Variants in RASSF8 observed in about 807,000 individuals in gnomAD.
The protein encoded by RASSF8 is ras association domain-containing protein 8.
RASSF8 carries 22 observed loss-of-function variants against 48.5 expected under a neutral mutation model. The ratio of observed to expected loss-of-function variants is 0.45; its 90% confidence interval spans 0.32 to 0.65. The LOEUF (loss-of-function observed/expected upper bound fraction) is 0.65, where lower values mean the gene tolerates loss of function less well. Ranked by LOEUF, RASSF8 falls within the 30% of genes least tolerant of loss-of-function variation. RASSF8 has a pLI of 0.03. For synonymous variants in RASSF8, 127 were observed against 171.5 expected (o/e 0.74, Z 2.03); for missense variants, 418 against 489.2 (o/e 0.85, Z 1.37).
In RASSF8 at chr12:25,958,790, C is replaced by T. The variant is rs1257872721; in HGVS notation, c.-561C>T. 1 of 147,456 alleles carries T rather than the reference C, an allele frequency of 6.8e-6. No individual in the cohort carries two copies. Among genetic ancestry groups the T allele is most frequent in the African/African-American group, 2.4e-5 (1 of 40,960 alleles). The allele number at this position is 147,456 out of a possible 1,614,324, so 9.1% of individuals were successfully genotyped here. On this transcript the variant is annotated 5_prime_UTR_variant, in exon 1 of 6. Transcript: ENST00000689635. ...GCCGCGCCCCGCTCAGCGTCTGCCGCCCAGCTCCTCGCCCAGCCTCGCCGA... is the reference window on the plus strand; with the variant it reads ...GCCGCGCCCCGCTCAGCGTCTGCCGTCCAGCTCCTCGCCCAGCCTCGCCGA...
chr12:26,073,827 C>G (rs991957878), downstream of RASSF8, among the ~76,000 whole-genome samples: 1 of 111,214 alleles, frequency 9.0e-6, no homozygotes, highest in East Asian at 4.6e-4. Context: ...CACATACACA[C>G]ACACACACAC....
At chr12:26,078,587 T>C (rs561255902) in intron 5 of RASSF8, among the ~76,000 whole-genome samples, 121 of 152,362 alleles carry the variant, frequency 7.9e-4, no homozygotes, top group South Asian at 2.7e-3. Flanking sequence ...AGGAAGAAGA[T>C]ATTTTAAATA....
rs145226643 is a variant in RASSF8, at chr12:26,006,912, G to C, written c.-109+11782G>C. Among the ~76,000 whole-genome samples, 40 of 152,250 alleles carry C rather than the reference G, an allele frequency of 2.6e-4. No individual in the cohort carries two copies. In the East Asian group the frequency reaches 7.3e-3, roughly 28 times the overall value. On this transcript the variant is annotated intron_variant, in intron 2 of 5. Transcript: ENST00000689635. Reference sequence around the variant, plus strand: ...TGCTATAGAGGAATACCTGAGACTAGGTAATTTGTAAAGAAAAAAGGTTTA... The same window carrying C: ...TGCTATAGAGGAATACCTGAGACTACGTAATTTGTAAAGAAAAAAGGTTTA...
intron 2 of RASSF8, among the ~76,000 whole-genome samples, chr12:26,046,013 G>C (rs1943365363): frequency 6.6e-6 from 1 of 152,120 alleles, no homozygotes; most frequent in South Asian, 2.1e-4. Context: ...AAAGGACATA[G>C]ATTTGGGCGA....
chr12:26,068,096 T>C (rs540575784), intron 5 of RASSF8, among the ~76,000 whole-genome samples: 66 of 152,222 alleles, frequency 4.3e-4, no homozygotes, highest in Non-Finnish European at 6.9e-4. Flanking sequence ...AATAAACTAC[T>C]TGTATTCAGT....
chr12:25,988,594 C>T (rs992939710), intron 1 of RASSF8, among the ~76,000 whole-genome samples: 6 of 152,328 alleles, frequency 3.9e-5, no homozygotes, highest in Non-Finnish European at 8.8e-5. Flanking sequence ...AAATAGCCCT[C>T]TCCCTCATGA....
chr12:25,962,985 T>A (rs190012073), intron 1 of RASSF8, among the ~76,000 whole-genome samples: 11 of 150,866 alleles, frequency 7.3e-5, no homozygotes, highest in African/African-American at 2.7e-4. Context: ...TTAAAATAAT[T>A]ATTTTTTTAT....
intron 2 of RASSF8, among the ~76,000 whole-genome samples, chr12:26,035,965 T>A (rs1398899418): frequency 6.8e-6 from 1 of 147,232 alleles, no homozygotes; most frequent in East Asian, 1.9e-4. Flanking sequence ...TATATATTTA[T>A]AATTTATATA....
At chr12:25,965,363 C>CTTTTTTTT (rs11420016) in intron 1 of RASSF8, among the ~76,000 whole-genome samples, 4 of 116,890 alleles carry the variant, frequency 3.4e-5, no homozygotes, top group African/African-American at 6.4e-5. Context: ...TCCCAAATTT[C>CTTTTTTTT]TTTTTTTTTT....
At chr12:26,022,611 T>A (rs1472968624) in intron 2 of RASSF8, among the ~76,000 whole-genome samples, 1 of 152,014 alleles carries the variant, frequency 6.6e-6, no homozygotes, top group Admixed American at 6.5e-5. Flanking sequence ...CACTGCCTCA[T>A]CAAATTGAGA....
chr12:26,043,460 G>A (rs1456568578), intron 2 of RASSF8, among the ~76,000 whole-genome samples: 4 of 152,196 alleles, frequency 2.6e-5, no homozygotes, highest in Non-Finnish European at 5.9e-5. Flanking sequence ...GTGGAGAGCC[G>A]TTGGAGGATT....
At chr12:26,027,816 A>G (rs1398672076) in intron 2 of RASSF8, among the ~76,000 whole-genome samples, 1 of 152,238 alleles carries the variant, frequency 6.6e-6, no homozygotes, top group African/African-American at 2.4e-5. Flanking sequence ...AATGAGAAGC[A>G]TAGAGGACTG....
chr12:26,073,849 C>CACAT (rs35014279), downstream of RASSF8, among the ~76,000 whole-genome samples: 1,534 of 144,156 alleles, frequency 0.011, 39 homozygotes, highest in African/African-American at 0.032. Flanking sequence ...CACACACACA[C>CACAT]ATATATATAT....
intron 2 of RASSF8, among the ~76,000 whole-genome samples, chr12:26,012,771 C>T (rs1179400348): frequency 1.3e-5 from 2 of 150,654 alleles, no homozygotes; most frequent in Non-Finnish European, 2.9e-5. Flanking sequence ...GCCTTGAACT[C>T]CTGGGCTCCA....
chr12:26,018,377 A>T (rs1440112717), intron 2 of RASSF8, among the ~76,000 whole-genome samples: 1 of 152,082 alleles, frequency 6.6e-6, no homozygotes, highest in Non-Finnish European at 1.5e-5. Flanking sequence ...AAAATTCTTT[A>T]CATTATATAA....
At chr12:25,995,656 AG>A (rs148535554) in intron 2 of RASSF8, among the ~76,000 whole-genome samples, 1 of 151,962 alleles carries the variant, frequency 6.6e-6, no homozygotes, top group Non-Finnish European at 1.5e-5. Context: ...CATTAAGTCA[AG>A]GGGGGGCATA....
intron 1 of RASSF8, among the ~76,000 whole-genome samples, chr12:25,961,403 T>C (rs1320238067): frequency 6.6e-6 from 1 of 152,148 alleles, no homozygotes; most frequent in Non-Finnish European, 1.5e-5. Context: ...AAATTAAAGA[T>C]TTGGATTACA....
In RASSF8 at chr12:26,072,530, A is replaced by G. The variant is rs988271063; in HGVS notation, c.*3712A>G. ...AAGGCAATAAAGTATATACATATATATGGGGGGAGGGGAAAGATTAAAAAA... is the reference window on the plus strand; with the variant it reads ...AAGGCAATAAAGTATATACATATATGTGGGGGGAGGGGAAAGATTAAAAAA... On this transcript the variant is annotated 3_prime_UTR_variant, in exon 6 of 6. Transcript: ENST00000689635. 5.5e-5 allele frequency: 54 copies of G among 980,242 alleles called. No homozygotes were observed. Among genetic ancestry groups the G allele is most frequent in the Middle Eastern group, 5.2e-4 (1 of 1,924 alleles). The allele number at this position is 980,242 out of a possible 1,614,324, so 60.7% of individuals were successfully genotyped here.
At chr12:26,030,245 G>A (rs1045609142) in intron 2 of RASSF8, among the ~76,000 whole-genome samples, 1 of 152,006 alleles carries the variant, frequency 6.6e-6, no homozygotes, top group African/African-American at 2.4e-5. Context: ...TCCAAATAAT[G>A]TTTTATTCAG....
Sources: allele counts gnomAD v4.1 joint callset (sites outside exome capture counted in the v4.1 genomes callset), GRCh38; gene constraint gnomAD v4.1.1; transcripts MANE v1.5; gene names NCBI Gene and HGNC (gene_info 2026-07-23, HGNC 2026-07-21).